Variants in UBN2 observed in about 807,000 individuals in gnomAD.
UBN2 encodes the protein ubinuclein-2.
UBN2 carries 35 observed loss-of-function variants against 120.2 expected under a neutral mutation model. That is an observed-to-expected ratio of 0.29 (90% confidence interval 0.22 to 0.39). The LOEUF (loss-of-function observed/expected upper bound fraction) is 0.39, where lower values mean the gene tolerates loss of function less well. Among genes scored for constraint, UBN2 ranks in the 10% least tolerant of loss-of-function variants. UBN2 has a pLI of 1.00. For missense variants in UBN2, 1,693 were observed against 1,663.2 expected (o/e 1.02, Z -0.31); for synonymous variants, 661 against 648.7 (o/e 1.02, Z -0.29).
rs551698176 is a variant in UBN2, at chr7:139,299,120, G to A, written c.*1284G>A. 13 of 152,262 alleles carry A rather than the reference G, an allele frequency of 8.5e-5. No individual in the cohort carries two copies. The allele number at this position is 152,262 out of a possible 1,614,324, so 9.4% of individuals were successfully genotyped here. ...TTATTATAGCTTCCTTATGCAAATAGCATATTCAACAAAGGATGTTAAGGG... is the reference window on the plus strand; with the variant it reads ...TTATTATAGCTTCCTTATGCAAATAACATATTCAACAAAGGATGTTAAGGG... On this transcript the variant is annotated 3_prime_UTR_variant, in exon 18 of 18. Coordinates refer to ENST00000473989, the MANE Select transcript of UBN2 (RefSeq NM_173569.4).
the UBN2 span, among the ~76,000 whole-genome samples, chr7:139,330,246 C>T: frequency 6.6e-6 from 1 of 152,126 alleles, no homozygotes; most frequent in Non-Finnish European, 1.5e-5. Flanking sequence ...AGGCCAAAAA[C>T]CAAACAAAAT....
chr7:139,274,934 G>T (rs117886004), intron 11 of UBN2, among the ~76,000 whole-genome samples: 260 of 152,122 alleles, frequency 1.7e-3, no homozygotes, highest in Non-Finnish European at 2.8e-3. Flanking sequence ...AATATTCAGT[G>T]TAGAGAGATA....
chr7:139,242,654 G>C (rs923240854), intron 2 of UBN2, among the ~76,000 whole-genome samples: 2 of 152,134 alleles, frequency 1.3e-5, no homozygotes, highest in African/African-American at 4.8e-5. Flanking sequence ...GCTGTGACAT[G>C]CCCTTTTAAT....
At chr7:139,274,156 T>C (rs1797371575) in intron 11 of UBN2, 82 bp downstream of exon 11, 3 of 1,352,880 alleles carry the variant, frequency 2.2e-6, no homozygotes, top group Admixed American at 3.0e-5. Context: ...TACACATATG[T>C]GACATTGATT....
chr7:139,269,485 C>G lies in UBN2; in HGVS notation c.1558C>G (p.Leu520Val). The G allele has an allele frequency of 6.2e-7, 1 of 1,614,046 alleles. No individual in the cohort carries two copies. Residue 520 changes from leucine (L) to valine (V), a missense_variant, in exon 8 of 18, where the codon CTA (leucine) becomes GTA (valine). Transcript: ENST00000473989. ...TTTTGTGCCATGCAATAAAGAAACA[C>G]TAGTAAAACGTCTGAAGAAGTTACA... ...EAFVPCNKETLVKRLKKLHLN... is the reference protein window; with the variant it reads ...EAFVPCNKETVVKRLKKLHLN...
rs562588920 is a variant in UBN2, at chr7:139,304,008, T to C, written c.*6172T>C. 5 of 152,354 alleles carry C rather than the reference T, an allele frequency of 3.3e-5. No homozygotes were observed. Among genetic ancestry groups the C allele is most frequent in the South Asian group, 2.1e-4 (1 of 4,828 alleles). The allele number at this position is 152,354 out of a possible 1,614,324, so 9.4% of individuals were successfully genotyped here. A position where few individuals can be genotyped will look rare whatever the true frequency, so the allele number is the denominator to read the frequency against. On this transcript the variant is annotated 3_prime_UTR_variant, in exon 18 of 18. Coordinates refer to ENST00000473989, the MANE Select transcript of UBN2 (RefSeq NM_173569.4). ...CCTGGAAGTTTTAACTGTCTCACTT[T>C]TCCATCTTCTCAGTCTAATTTCCTT...
At chr7:139,254,218 G>C (rs929260733) in intron 3 of UBN2, among the ~76,000 whole-genome samples, 9 of 152,062 alleles carry the variant, frequency 5.9e-5, no homozygotes, top group African/African-American at 2.2e-4. Context: ...GCTTGAACCC[G>C]GGAGGCGGAG....
chr7:139,297,211 A>G (rs976374254), intron 17 of UBN2, among the ~76,000 whole-genome samples: 7 of 151,124 alleles, frequency 4.6e-5, no homozygotes, highest in African/African-American at 1.7e-4. Flanking sequence ...AAAAAAAAAA[A>G]GGAAAGAGCC....
At chr7:139,232,220 G>A (rs1184462300) in intron 1 of UBN2, among the ~76,000 whole-genome samples, 1 of 152,250 alleles carries the variant, frequency 6.6e-6, no homozygotes, top group Non-Finnish European at 1.5e-5. Flanking sequence ...GTTTTCTTGT[G>A]CACCTTTCGG....
At chr7:139,290,054 T>G (rs1009661757) in intron 15 of UBN2, among the ~76,000 whole-genome samples, 1 of 151,752 alleles carries the variant, frequency 6.6e-6, no homozygotes, top group East Asian at 1.9e-4. Flanking sequence ...CCACCACACC[T>G]GGCTAATTTT....
chr7:139,264,021 A>G (rs1333622530), intron 6 of UBN2, among the ~76,000 whole-genome samples: 1 of 152,186 alleles, frequency 6.6e-6, no homozygotes, highest in Non-Finnish European at 1.5e-5. Context: ...TGCATCATGA[A>G]GAGATTATAA....
chr7:139,276,776 TATTA>T (rs1644311819), intron 12 of UBN2: 1 of 152,548 alleles, frequency 6.6e-6, no homozygotes. Flanking sequence ...CATTAACGGT[TATTA>T]AAGCCAGGCA....
intron 12 of UBN2, chr7:139,276,393 CAG>C: frequency 2.1e-6 from 1 of 480,882 alleles, no homozygotes; most frequent in Non-Finnish European, 3.7e-6. Flanking sequence ...CATGAAGGCT[CAG>C]GGATTTTCCT....
intron 7 of UBN2, among the ~76,000 whole-genome samples, chr7:139,268,058 A>G (rs2130998456): frequency 6.6e-6 from 1 of 152,194 alleles, no homozygotes; most frequent in South Asian, 2.1e-4. Flanking sequence ...GTTCTTTTTT[A>G]TTTTGCTCTT....
intron 17 of UBN2, among the ~76,000 whole-genome samples, chr7:139,294,253 A>T (rs543402500): frequency 1.3e-5 from 2 of 152,228 alleles, no homozygotes; most frequent in African/African-American, 4.8e-5. Flanking sequence ...GTTAAAAGTT[A>T]TGTACAGTAA....
At chr7:139,234,065 G>A (rs375816971) in intron 1 of UBN2, among the ~76,000 whole-genome samples, 37 of 151,938 alleles carry the variant, frequency 2.4e-4, no homozygotes, top group African/African-American at 8.2e-4. Context: ...ATGCAAGAAA[G>A]CATAGAAAAC....
chr7:139,325,630 G>A, the UBN2 span, among the ~76,000 whole-genome samples: 3 of 152,178 alleles, frequency 2.0e-5, no homozygotes, highest in African/African-American at 7.2e-5. Flanking sequence ...GCATGCACAC[G>A]CATGTATACT....
downstream of UBN2, among the ~76,000 whole-genome samples, chr7:139,310,367 A>G (rs1384382017): frequency 6.6e-6 from 1 of 152,142 alleles, no homozygotes; most frequent in African/African-American, 2.4e-5. Context: ...ATGGGGATCT[A>G]ATGCGTGCAA....
chr7:139,249,928 T>A (rs1157229907), intron 2 of UBN2, among the ~76,000 whole-genome samples: 1 of 152,152 alleles, frequency 6.6e-6, no homozygotes, highest in Non-Finnish European at 1.5e-5. Flanking sequence ...CTCAAACTCC[T>A]GGGCTCTCGC....
Sources: gnomAD v4.1 joint callset for allele counts (sites outside exome capture counted in the v4.1 genomes callset) on GRCh38, gnomAD v4.1.1 for gene constraint, MANE v1.5 for transcripts, NCBI Gene and HGNC (gene_info 2026-07-23, HGNC 2026-07-21) for gene names.